The following SCARB2 variants were observed in gnomAD, a reference collection of about 807,000 sequenced individuals.
The protein encoded by SCARB2 is scavenger receptor class B member 2, also known as lysosome membrane protein 2.
A neutral mutation model predicts 58.6 loss-of-function variants in SCARB2; 29 were observed. That is an observed-to-expected ratio of 0.49 (90% confidence interval 0.37 to 0.67). SCARB2 has a LOEUF of 0.67. Among genes scored for constraint, SCARB2 ranks in the 30% least tolerant of loss-of-function variants. The pLI is 0.00. For missense variants in SCARB2, 488 were observed against 578.5 expected, an observed-to-expected ratio of 0.84 and a Z score of 1.60; for synonymous variants, 195 against 210.1, an observed-to-expected ratio of 0.93 and a Z score of 0.62.
rs183565369 is a variant in SCARB2 at position 76,183,556 on chromosome 4, C to G, written c.276-2455G>C. Among the ~76,000 whole-genome samples the G allele has an allele frequency of 1.8e-4, 27 of 152,062 alleles. No homozygotes were observed. The East Asian group carries it at 3.7e-3, about 21-fold the overall frequency. On this transcript the variant is annotated intron_variant, in intron 2 of 11. Transcript: ENST00000264896. ...GGGAAGGAGCTCAGAACTTCCATGC[C>G]CTCTGCAGGCTCGCTACTCTCCAGG...
intron 1 of SCARB2, among the ~76,000 whole-genome samples, chr4:76,224,137 A>C (rs1177005221): frequency 6.6e-6 from 1 of 152,256 alleles, no homozygotes; most frequent in Non-Finnish European, 1.5e-5. Flanking sequence ...CAAAGTCAGA[A>C]AGAAATCTTA....
intron 1 of SCARB2, among the ~76,000 whole-genome samples, chr4:76,208,105 G>C (rs1732964759): frequency 6.6e-6 from 1 of 152,162 alleles, no homozygotes; most frequent in Non-Finnish European, 1.5e-5. Context: ...CCTGAGTTCT[G>C]TTCCTAATGA....
In SCARB2 at chr4:76,213,318, C is replaced by A; in HGVS notation, c.117+109G>T. On this transcript the variant is annotated intron_variant, in intron 1 of 11. Transcript: ENST00000264896. ...GACAGGGACGCAAGAAGAGCTCTAG[C>A]GCGGAGGGTCTGCCTGAGTGCTGGT... 3 of 781,936 alleles carry A rather than the reference C, an allele frequency of 3.8e-6. No individual in the cohort carries two copies. The South Asian group carries it at 4.4e-5, about 11-fold the overall frequency. 48.4% of individuals were successfully genotyped at this position (781,936 alleles called of 1,614,324 possible).
At chr4:76,228,642 C>A (rs976375720) in intron 1 of SCARB2, among the ~76,000 whole-genome samples, 2 of 152,044 alleles carry the variant, frequency 1.3e-5, no homozygotes, top group Non-Finnish European at 1.5e-5. Context: ...TTCTTGGCTG[C>A]CAATTATTTT....
chr4:76,178,515 G>A (rs1371482213), intron 4 of SCARB2, among the ~76,000 whole-genome samples: 1 of 152,146 alleles, frequency 6.6e-6, no homozygotes, highest in Non-Finnish European at 1.5e-5. Flanking sequence ...GGAACAAAAG[G>A]GCCTCGAGGG....
chr4:76,226,960 C>T (rs1733408764), intron 1 of SCARB2, among the ~76,000 whole-genome samples: 1 of 151,738 alleles, frequency 6.6e-6, no homozygotes, highest in Non-Finnish European at 1.5e-5. Flanking sequence ...TTTTGTTTAT[C>T]ATTTCAAAGA....
At chr4:76,219,260 T>C (rs1332741307) in intron 1 of SCARB2, among the ~76,000 whole-genome samples, 1 of 152,236 alleles carries the variant, frequency 6.6e-6, no homozygotes, top group African/African-American at 2.4e-5. Context: ...TGCCTCTGCC[T>C]GAACCTGATG....
At chr4:76,215,981 C>T (rs999340554), upstream of SCARB2, among the ~76,000 whole-genome samples, 1 of 152,148 alleles carries the variant, frequency 6.6e-6, no homozygotes, top group African/African-American at 2.4e-5. Flanking sequence ...AGAACTGAGG[C>T]TGGGACATTT....
chr4:76,208,418 T>C (rs550958159), intron 1 of SCARB2, among the ~76,000 whole-genome samples: 3 of 152,370 alleles, frequency 2.0e-5, no homozygotes, highest in East Asian at 1.9e-4. Flanking sequence ...TACAGTGCTA[T>C]AGTTTCTTCC....
intron 1 of SCARB2, among the ~76,000 whole-genome samples, chr4:76,228,731 T>C (rs934473896): frequency 4.6e-5 from 7 of 152,082 alleles, no homozygotes; most frequent in Admixed American, 2.0e-4. Context: ...ATTAATCTGA[T>C]AGATTTTCCT....
chr4:76,207,481 C>T (rs75196266), intron 1 of SCARB2, among the ~76,000 whole-genome samples: 3,655 of 152,278 alleles, frequency 0.024, 132 homozygotes, highest in African/African-American at 0.083. Flanking sequence ...AAATGGTACA[C>T]ACTCAGTAAA....
chr4:76,198,265 G>A (rs2109962959), intron 1 of SCARB2, among the ~76,000 whole-genome samples: 1 of 152,280 alleles, frequency 6.6e-6, no homozygotes, highest in East Asian at 1.9e-4. Flanking sequence ...TCAGAATTAG[G>A]AACCCTGAAA....
intron 2 of SCARB2, among the ~76,000 whole-genome samples, chr4:76,190,702 T>G (rs1732586581): frequency 2.0e-5 from 3 of 152,224 alleles, no homozygotes; most frequent in Middle Eastern, 6.8e-3. Context: ...AAGAATCACT[T>G]GAACCTGGGA....
intron 2 of SCARB2, 110 bp downstream of exon 2, chr4:76,195,597 A>C: frequency 2.2e-6 from 2 of 895,476 alleles, no homozygotes; most frequent in Non-Finnish European, 3.7e-6. Context: ...GAAATCAGAA[A>C]GTGTGCTCCC....
rs1047105894 is a variant in SCARB2, at chr4:76,160,876, C to T, written c.*837G>A. 8 of 152,134 alleles carry T rather than the reference C, an allele frequency of 5.3e-5. No individual in the cohort carries two copies. The highest frequency in any genetic ancestry group is 1.9e-4 in the African/African-American group (8 of 41,430). The allele number at this position is 152,134 out of a possible 1,614,324, so 9.4% of individuals were successfully genotyped here. A position where few individuals can be genotyped will look rare whatever the true frequency, so the allele number is the denominator to read the frequency against. ...AAAAATCAGTTACTCATTACATTCT[C>T]TCAGAAGCATCTTTTCGTAGCATGA... is the stretch of plus-strand genomic sequence containing the variant. On this transcript the variant is annotated 3_prime_UTR_variant, in exon 12 of 12. Transcript: ENST00000264896.
intron 1 of SCARB2, among the ~76,000 whole-genome samples, chr4:76,208,299 A>G (rs1732969183): frequency 6.6e-6 from 1 of 152,214 alleles, no homozygotes; most frequent in Admixed American, 6.5e-5. Flanking sequence ...TAAACTTAAT[A>G]TGATTTTGAT....
At chr4:76,185,102 A>C (rs1578726582) in intron 2 of SCARB2, among the ~76,000 whole-genome samples, 1 of 152,246 alleles carries the variant, frequency 6.6e-6, no homozygotes, top group East Asian at 1.9e-4. Flanking sequence ...ACCAATCGAA[A>C]GTGTCAGGGC....
intron 2 of SCARB2, among the ~76,000 whole-genome samples, chr4:76,188,363 C>G (rs551883501): frequency 6.7e-6 from 1 of 149,556 alleles, no homozygotes; most frequent in Non-Finnish European, 1.5e-5. Context: ...ATTCCTTAAA[C>G]CAGACTGACT....
chr4:76,195,768 G>T lies in SCARB2; in HGVS notation c.214C>A (p.Pro72Thr). The T allele has an allele frequency of 6.2e-7, 1 of 1,614,018 alleles. No homozygotes were observed. Among genetic ancestry groups the T allele is most frequent in the Non-Finnish European group, 8.5e-7 (1 of 1,179,882 alleles). The change falls in exon 2 of 12, where the codon CCA (proline) becomes ACA (threonine). Residue 72 changes from proline to threonine, a missense_variant. By Grantham distance (38) the Pro-to-Thr change is conservative. Transcript: ENST00000264896. Reference sequence around the variant, plus strand: ...GTCTCCCCTCTGAGGATCTCCTCTGGATTGGTGACATTGAAGAAATAGAAC... The same window carrying T: ...GTCTCCCCTCTGAGGATCTCCTCTGTATTGGTGACATTGAAGAAATAGAAC... ...TQFYFFNVTNPEEILRGETPR... is the reference protein window; with the variant it reads ...TQFYFFNVTNTEEILRGETPR...
Sources: allele counts gnomAD v4.1 joint callset (sites outside exome capture counted in the v4.1 genomes callset), GRCh38; gene constraint gnomAD v4.1.1; transcripts MANE v1.5; gene names NCBI Gene and HGNC (gene_info 2026-07-23, HGNC 2026-07-21).